ZNF778: variants seen among roughly 807,000 people sequenced by gnomAD.
The protein encoded by ZNF778 is zinc finger protein 778.
ZNF778 carries 37 observed loss-of-function variants against 23.9 expected under a neutral mutation model. The observed-to-expected ratio is 1.54, with a 90% CI of 1.19 to 2.03. ZNF778 has a LOEUF of 2.03. Ranked by LOEUF, ZNF778 falls within the 30% of genes most tolerant of loss-of-function variation. ZNF778 has a pLI of 0.00. For synonymous variants in ZNF778, 483 were observed against 343.9 expected (o/e 1.40, Z -4.48); for missense variants, 1,297 against 934.4 (o/e 1.39, Z -5.06).
intron 1 of ZNF778, among the ~76,000 whole-genome samples, chr16:89,219,485 C>T (rs1294632982): frequency 2.0e-5 from 3 of 152,214 alleles, no homozygotes; most frequent in Non-Finnish European, 4.4e-5. Flanking sequence ...CCCATGTTAG[C>T]TGTTCCTTCT....
intron 6 of ZNF778, 134 bp downstream of exon 6, chr16:89,225,765 A>G: frequency 3.8e-6 from 3 of 796,298 alleles, no homozygotes; most frequent in Non-Finnish European, 6.0e-6. Context: ...TGTAGAGAAC[A>G]CTCTGAATGT....
chr16:89,221,583 CTGTGTGTGTGTG>C (rs35503385), intron 2 of ZNF778, among the ~76,000 whole-genome samples: 1 of 141,410 alleles, frequency 7.1e-6, no homozygotes. Context: ...CACTGTATGG[CTGTGTGTGTGTG>C]TGTGTGTGTG....
intron 3 of ZNF778, 101 bp from the exon 4 acceptor site, chr16:89,223,056 A>G: frequency 7.2e-7 from 1 of 1,385,528 alleles, no homozygotes; most frequent in South Asian, 1.4e-5. Flanking sequence ...AGACAGTAGG[A>G]GGCCTCACAG....
chr16:89,233,746 A>T lies in ZNF778; in HGVS notation c.*5184A>T. The T allele has an allele frequency of 8.6e-7, 1 of 1,168,924 alleles. No individual in the cohort carries two copies. The highest frequency in any genetic ancestry group is 1.6e-5 in the African/African-American group (1 of 62,176). 72.4% of individuals were successfully genotyped at this position (1,168,924 alleles called of 1,614,324 possible). A position where few individuals can be genotyped will look rare whatever the true frequency, so the allele number is the denominator to read the frequency against. On this transcript the variant is annotated 3_prime_UTR_variant, in exon 7 of 7. Transcript: ENST00000433976. ...CAACTCAACTCGCACTGCATATGCA[A>T]CTCAACTCGCACTGCGTATGCAACT...
At chr16:89,222,352 C>T (rs1256271030) in intron 3 of ZNF778, among the ~76,000 whole-genome samples, 169 bp downstream of exon 3, 1 of 152,148 alleles carries the variant, frequency 6.6e-6, no homozygotes, top group African/African-American at 2.4e-5. Flanking sequence ...TGAAAATCCT[C>T]CCCGTATTTC....
In ZNF778 at chr16:89,227,777, A is replaced by G; in HGVS notation, c.1489A>G (p.Arg497Gly). ...TVSSSLTEHA[R>G]IHTGEKPYEC... ...TTCTTCAAGCCTGACTGAGCACGCG[A>G]GAATCCATACCGGAGAGAAACCCTA... is the stretch of plus-strand genomic sequence containing the variant. Residue 497 changes from arginine to glycine, a missense_variant, in exon 7 of 7, where the codon AGA (arginine) becomes GGA (glycine). Coordinates refer to ENST00000433976, the MANE Select transcript of ZNF778 (RefSeq NM_001201407.2). The G allele has an allele frequency of 6.2e-7, 1 of 1,613,142 alleles. No individual in the cohort carries two copies. Among genetic ancestry groups the G allele is most frequent in the South Asian group, 1.1e-5 (1 of 91,038 alleles).
In ZNF778 at chr16:89,227,604, A is replaced by G. The variant is rs762275380; in HGVS notation, c.1316A>G (p.His439Arg). 9 of 1,614,054 alleles carry G rather than the reference A, an allele frequency of 5.6e-6. No individual in the cohort carries two copies. The South Asian group carries it at 7.7e-5, about 14-fold the overall frequency. ...ACTGTGCGCTGTGGCCTTACTAGAC[A>G]CGTACGAACACACACGGGCGAGAAG... Reference protein sequence around the residue: ...AFTVRCGLTRHVRTHTGEKPY... With the variant: ...AFTVRCGLTRRVRTHTGEKPY... The change falls in exon 7 of 7, where the codon CAC becomes CGC. Residue 439 changes from histidine (H) to arginine (R), a missense_variant. His to Arg is a conservative substitution (Grantham distance 29). Coordinates refer to ENST00000433976, the MANE Select transcript of ZNF778 (RefSeq NM_001201407.2).
Position 89,222,146 on chromosome 16 carries a change from C to T in ZNF778, c.80C>T (p.Ala27Val), listed in dbSNP as rs749477007. 2.5e-6 allele frequency: 4 copies of T among 1,605,614 alleles called. No individual in the cohort carries two copies. Among genetic ancestry groups the T allele is most frequent in the Non-Finnish European group, 3.4e-6 (4 of 1,174,828 alleles). Residue 27 changes from alanine (A) to valine (V), a missense_variant, in exon 3 of 7, where the codon GCA (alanine) becomes GTA (valine). Physicochemically the swap from Ala to Val is moderately conservative, Grantham distance 64. Transcript: ENST00000433976. ...VCLHEEQTQA[A>V]GMVAGWLINC... ...CTTCATGAAGAACAGACACAGGCAG[C>T]AGGGATGGTGGCTGGCTGGCTGATA...
chr16:89,233,847 C>A lies in ZNF778; in HGVS notation c.*5285C>A. Reference sequence around the variant, plus strand: ...TGTTGCAAGTACTTATTTCCGGCCACTTCCTTTTTCTAACTACCACACCAA... The same window carrying A: ...TGTTGCAAGTACTTATTTCCGGCCAATTCCTTTTTCTAACTACCACACCAA... On this transcript the variant is annotated 3_prime_UTR_variant, in exon 7 of 7. Coordinates refer to ENST00000433976, the MANE Select transcript of ZNF778 (RefSeq NM_001201407.2). 2 of 1,290,334 alleles carry A rather than the reference C, an allele frequency of 1.5e-6. No individual in the cohort carries two copies. The highest frequency in any genetic ancestry group is 2.0e-6 in the Non-Finnish European group (2 of 989,466). The allele number at this position is 1,290,334 out of a possible 1,614,324, so 79.9% of individuals were successfully genotyped here. A position where few individuals can be genotyped will look rare whatever the true frequency, so the allele number is the denominator to read the frequency against.
intron 6 of ZNF778, among the ~76,000 whole-genome samples, 196 bp downstream of exon 6, chr16:89,225,827 A>T (rs960856559): frequency 1.6e-4 from 25 of 152,210 alleles, no homozygotes; most frequent in South Asian, 6.2e-4. Context: ...CTTCAGACAC[A>T]CATCAGCGCA....
Position 89,227,206 on chromosome 16 carries a change from A to G in ZNF778, c.918A>G (p.Glu306=), listed in dbSNP as rs4785626. ...LTGRVQVHPG[E]KPCELEECGK... ...GTCGCGTGCAAGTCCACCCTGGGGA[A>G]AAGCCCTGTGAATTGGAAGAATGTG... Residue 306 remains glutamate (E), a synonymous_variant, in exon 7 of 7, where the codon GAA becomes GAG. Transcript: ENST00000433976. 0.9 allele frequency: 1,453,447 copies of G among 1,613,872 alleles called. 660,855 individuals are homozygous for G. The highest frequency in any genetic ancestry group is 0.93 in the Non-Finnish European group (1,098,341 of 1,179,886).
Position 89,227,808 on chromosome 16 carries a change from G to C in ZNF778, c.1520G>C (p.Cys507Ser). The change falls in exon 7 of 7, where the codon TGT (cysteine) becomes TCT (serine). Residue 507 changes from cysteine (C) to serine (S), a missense_variant. Cys to Ser is a moderately radical substitution (Grantham distance 112). Transcript: ENST00000433976. The part of the protein sequence containing the change: ...RIHTGEKPYE[C>S]KQCGKAFTGR... ...CATACCGGAGAGAAACCCTACGAAT[G>C]TAAGCAGTGTGGCAAAGCCTTCACA... 1 of 1,614,120 alleles carries C rather than the reference G, an allele frequency of 6.2e-7. No individual in the cohort carries two copies. Among genetic ancestry groups the C allele is most frequent in the Non-Finnish European group, 8.5e-7 (1 of 1,179,976 alleles).
Position 89,229,191 on chromosome 16 carries a change from G to A in ZNF778, c.*629G>A. The A allele has an allele frequency of 1.0e-6, 1 of 985,856 alleles. No homozygotes were observed. Among genetic ancestry groups the A allele is most frequent in the Non-Finnish European group, 1.2e-6 (1 of 830,236 alleles). The allele number at this position is 985,856 out of a possible 1,614,324, so 61.1% of individuals were successfully genotyped here. ...AACAGTAGGCCTTGAGGACTCAGAT[G>A]TGATCCTGTGTGAGCAGTGTAGGCT... On this transcript the variant is annotated 3_prime_UTR_variant, in exon 7 of 7. Coordinates refer to ENST00000433976, the MANE Select transcript of ZNF778 (RefSeq NM_001201407.2).
Position 89,225,617 on chromosome 16 carries a change from A to T in ZNF778, c.391A>T (p.Asn131Tyr). The change falls in exon 6 of 7, where the codon AAT becomes TAT. Residue 131 changes from asparagine (N) to tyrosine (Y), a missense_variant. Asn to Tyr is a moderately radical substitution (Grantham distance 143). Transcript: ENST00000433976. Reference sequence around the variant, plus strand: ...GGATAGATCTTGGTTCAGAGCATCAAATGAGACACAGACGGTAAGATTAAC... The same window carrying T: ...GGATAGATCTTGGTTCAGAGCATCATATGAGACACAGACGGTAAGATTAAC... ...RQDRSWFRAS[N>Y]ETQTARSHNG... 1 of 1,612,974 alleles carries T rather than the reference A, an allele frequency of 6.2e-7. No homozygotes were observed. The highest frequency in any genetic ancestry group is 8.5e-7 in the Non-Finnish European group (1 of 1,179,258).
chr16:89,228,151 A>G lies in ZNF778; in HGVS notation c.1863A>G (p.Val621=), dbSNP rs1389223338. The stretch of plus-strand genomic sequence containing the variant: ...GAGAGAAACCTTATGAATGTAAAGT[A>G]TGCGGAAAGGCCTTCACCACATCCT... ...HTGEKPYECK[V]CGKAFTTSSH... is the part of the protein sequence containing the mutation. The change falls in exon 7 of 7, where the codon GTA becomes GTG. Residue 621 remains valine, a synonymous_variant. Coordinates refer to ENST00000433976, the MANE Select transcript of ZNF778 (RefSeq NM_001201407.2). 1.2e-6 allele frequency: 2 copies of G among 1,613,574 alleles called. No homozygotes were observed. Among genetic ancestry groups the G allele is most frequent in the African/African-American group, 2.7e-5 (2 of 75,034 alleles).
At chr16:89,220,501 C>A (rs1277040986) in intron 1 of ZNF778, among the ~76,000 whole-genome samples, 1 of 152,046 alleles carries the variant, frequency 6.6e-6, no homozygotes, top group Non-Finnish European at 1.5e-5. Flanking sequence ...ACTAAAAATA[C>A]AAAAAAATTA....
Position 89,233,805 on chromosome 16 carries a change from T to C in ZNF778, c.*5243T>C. 1 of 1,291,300 alleles carries C rather than the reference T, an allele frequency of 7.7e-7. No individual in the cohort carries two copies. The highest frequency in any genetic ancestry group is 1.0e-6 in the Non-Finnish European group (1 of 990,108). The allele number at this position is 1,291,300 out of a possible 1,614,324, so 80.0% of individuals were successfully genotyped here. A position where few individuals can be genotyped will look rare whatever the true frequency, so the allele number is the denominator to read the frequency against. On this transcript the variant is annotated 3_prime_UTR_variant, in exon 7 of 7. Coordinates refer to ENST00000433976, the MANE Select transcript of ZNF778 (RefSeq NM_001201407.2). ...ACTGCGTATGCAACTCAGCTCGCAC[T>C]GCGTATGCAACTCAACTGTTGCAAG...
intron 2 of ZNF778, 41 bp from the exon 3 acceptor site, chr16:89,222,051 G>T: frequency 6.8e-7 from 1 of 1,473,896 alleles, no homozygotes; most frequent in Non-Finnish European, 9.4e-7. Flanking sequence ...ATTAGGGTCA[G>T]CTCTGGGTTC....
In ZNF778 at chr16:89,234,091, G is replaced by A; in HGVS notation, c.*5529G>A. On this transcript the variant is annotated 3_prime_UTR_variant, in exon 7 of 7. Transcript: ENST00000433976. ...TGCAGCTCCCCTTGGGCCCTGCCTG[G>A]AGTGATGTGCCGCCTTCTCTTGACA... The A allele has an allele frequency of 1.8e-6, 1 of 564,122 alleles. No homozygotes were observed. Among genetic ancestry groups the A allele is most frequent in the Non-Finnish European group, 3.1e-6 (1 of 325,970 alleles). 34.9% of individuals were successfully genotyped at this position (564,122 alleles called of 1,614,324 possible). A position where few individuals can be genotyped will look rare whatever the true frequency, so the allele number is the denominator to read the frequency against.
Sources: gnomAD v4.1 joint callset for allele counts (sites outside exome capture counted in the v4.1 genomes callset) on GRCh38, gnomAD v4.1.1 for gene constraint, MANE v1.5 for transcripts, NCBI Gene and HGNC (gene_info 2026-07-23, HGNC 2026-07-21) for gene names.